The following CSMD1 variants were observed in gnomAD, a reference collection of about 807,000 sequenced individuals.
CSMD1 encodes CUB and Sushi multiple domains 1, also known as CUB and sushi domain-containing protein 1.
In CSMD1, 213 loss-of-function variants were observed where a neutral mutation model predicts 417.5. The observed-to-expected ratio is 0.51, with a 90% CI of 0.46 to 0.57. CSMD1 has a LOEUF of 0.57. Ranked by LOEUF, CSMD1 falls within the 20% of genes least tolerant of loss-of-function variation. The pLI is 0.00. For synonymous variants in CSMD1, 2,862 were observed against 1,736.8 expected (o/e 1.65, Z -16.11); for missense variants, 6,923 against 4,529.7 (o/e 1.53, Z -15.17).
chr8:4,730,017 A>T (rs1585010433), intron 1 of CSMD1, among the ~76,000 whole-genome samples: 1 of 152,174 alleles, frequency 6.6e-6, no homozygotes, highest in African/African-American at 2.4e-5. Flanking sequence ...GATTCAGAGC[A>T]CACCTGCTCC....
intron 3 of CSMD1, among the ~76,000 whole-genome samples, chr8:4,386,884 G>T (rs1295271501): frequency 6.6e-6 from 1 of 152,202 alleles, no homozygotes. Context: ...ACTGAAAAAG[G>T]TATAGTATCA....
intron 5 of CSMD1, among the ~76,000 whole-genome samples, chr8:3,813,091 GTTTTT>G (rs10714284): frequency 3.0e-5 from 4 of 135,496 alleles, no homozygotes; most frequent in Non-Finnish European, 6.4e-5. Context: ...TTTTAAGCTA[GTTTTT>G]TTTTTTTTTT....
At chr8:3,390,348 C>A (rs1293472017) in intron 17 of CSMD1, among the ~76,000 whole-genome samples, 1 of 87,886 alleles carries the variant, frequency 1.1e-5, no homozygotes, top group African/African-American at 4.5e-5. Context: ...GAGCAAGACT[C>A]TGTCTCAAAA....
chr8:3,441,601 G>C (rs1219650456), intron 12 of CSMD1, among the ~76,000 whole-genome samples: 3 of 151,542 alleles, frequency 2.0e-5, no homozygotes, highest in Non-Finnish European at 2.9e-5. Context: ...TTATAATGTA[G>C]TTAAAAACCT....
chr8:4,637,285 T>A, intron 2 of CSMD1, 57 bp downstream of exon 2: 1 of 1,384,398 alleles, frequency 7.2e-7, no homozygotes. Context: ...CCAACTAGAT[T>A]TCATAATCTG....
At chr8:4,010,381 G>C (rs969378750) in intron 4 of CSMD1, among the ~76,000 whole-genome samples, 3 of 152,060 alleles carry the variant, frequency 2.0e-5, no homozygotes, top group Non-Finnish European at 4.4e-5. Flanking sequence ...CGGGCCCTCT[G>C]TCAGCCTCTT....
chr8:3,964,895 A>G (rs1363635737), intron 5 of CSMD1, among the ~76,000 whole-genome samples: 1 of 152,196 alleles, frequency 6.6e-6, no homozygotes, highest in Non-Finnish European at 1.5e-5. Flanking sequence ...CTACTTTTAA[A>G]AAGTTCAATA....
intron 31 of CSMD1, among the ~76,000 whole-genome samples, chr8:3,201,985 T>A (rs1386982503): frequency 1.3e-5 from 2 of 152,152 alleles, no homozygotes; most frequent in Non-Finnish European, 2.9e-5. Context: ...ATGAGGAATG[T>A]TTTTGTTTTA....
Position 3,770,574 on chromosome 8 carries a change from T to C in CSMD1, c.819-16532A>G, listed in dbSNP as rs1798513145. The stretch of plus-strand genomic sequence containing the variant: ...GTAAAGAAAGAACATAATAGGAACA[T>C]TAAGAGGCCTGTCGCACATGCAGAA... On this transcript the variant is annotated intron_variant, in intron 5 of 69. Transcript: ENST00000635120. Among the ~76,000 whole-genome samples, 4 of 151,948 alleles carry C rather than the reference T, an allele frequency of 2.6e-5. No individual in the cohort carries two copies. The South Asian group carries it at 8.3e-4, about 32-fold the overall frequency.
chr8:3,987,340 C>T (rs957718635), intron 5 of CSMD1, among the ~76,000 whole-genome samples: 14 of 152,214 alleles, frequency 9.2e-5, no homozygotes, highest in African/African-American at 3.4e-4. Context: ...GTACCGACAG[C>T]ATCTTTGCAA....
At chr8:3,819,533 T>C (rs547547348) in intron 5 of CSMD1, among the ~76,000 whole-genome samples, 1,030 of 82,410 alleles carry the variant, frequency 0.012, 5 homozygotes, top group Non-Finnish European at 0.018. Context: ...AGGTGATTTC[T>C]ACACACACAC....
chr8:3,047,071 G>T (rs1364564908), intron 50 of CSMD1, among the ~76,000 whole-genome samples: 2 of 151,944 alleles, frequency 1.3e-5, no homozygotes, highest in Non-Finnish European at 2.9e-5. Flanking sequence ...AGCTGGGTGT[G>T]GTGGCGGGTG....
At chr8:3,329,321 A>G (rs1007908651) in intron 23 of CSMD1, among the ~76,000 whole-genome samples, 3 of 152,128 alleles carry the variant, frequency 2.0e-5, no homozygotes, top group African/African-American at 7.2e-5. Context: ...CCCTAAGAGC[A>G]GGCTTCATCA....
At chr8:4,033,647 C>T (rs76288840) in intron 3 of CSMD1, among the ~76,000 whole-genome samples, 100 of 152,208 alleles carry the variant, frequency 6.6e-4, no homozygotes, top group South Asian at 3.5e-3. Context: ...CTGAGGGCTG[C>T]GTCATGGGCC....
chr8:3,662,024 T>G (rs567328214), intron 7 of CSMD1, among the ~76,000 whole-genome samples: 1 of 152,156 alleles, frequency 6.6e-6, no homozygotes, highest in South Asian at 2.1e-4. Flanking sequence ...GCGGGGGATT[T>G]TTACTCGAAG....
At chr8:4,157,350 C>G (rs1796891657) in intron 3 of CSMD1, among the ~76,000 whole-genome samples, 1 of 152,190 alleles carries the variant, frequency 6.6e-6, no homozygotes, top group Non-Finnish European at 1.5e-5. Flanking sequence ...TATTTACCAT[C>G]ATTTTCTTTG....
chr8:3,313,527 G>A (rs79715394), intron 23 of CSMD1, among the ~76,000 whole-genome samples: 2,019 of 152,282 alleles, frequency 0.013, 39 homozygotes, highest in African/African-American at 0.044. Flanking sequence ...ATCATCACTG[G>A]CCATCAGAGA....
At chr8:3,304,673 G>A (rs7013739) in intron 25 of CSMD1, among the ~76,000 whole-genome samples, 131,818 of 152,000 alleles carry the variant, frequency 0.87, 57,776 homozygotes, top group Non-Finnish European at 0.94. Context: ...AATTTTTCAA[G>A]GTCAGTTCAT....
At chr8:2,946,497 CT>C (rs1212479043) in intron 68 of CSMD1, among the ~76,000 whole-genome samples, 5 of 152,148 alleles carry the variant, frequency 3.3e-5, no homozygotes, top group Non-Finnish European at 5.9e-5. Flanking sequence ...ACTATTTGGC[CT>C]TTTTTTATCT....
Sources: gnomAD v4.1 joint callset for allele counts (sites outside exome capture counted in the v4.1 genomes callset) on GRCh38, gnomAD v4.1.1 for gene constraint, MANE v1.5 for transcripts, NCBI Gene and HGNC (gene_info 2026-07-23, HGNC 2026-07-21) for gene names.